TRAK1: variants seen among roughly 807,000 people sequenced by gnomAD.
The protein encoded by TRAK1 is trafficking kinesin-binding protein 1.
A neutral mutation model predicts 92.1 loss-of-function variants in TRAK1; 33 were observed. The observed-to-expected ratio is 0.36, with a 90% CI of 0.27 to 0.48. The LOEUF (loss-of-function observed/expected upper bound fraction) is 0.48. Ranked by LOEUF, TRAK1 falls within the 20% of genes least tolerant of loss-of-function variation. The pLI, the probability that TRAK1 is intolerant of heterozygous loss-of-function variation, is 0.99. For missense variants in TRAK1, 1,123 were observed against 1,257.9 expected, an observed-to-expected ratio of 0.89 and a Z score of 1.62; for synonymous variants, 521 against 517.3, an observed-to-expected ratio of 1.01 and a Z score of -0.10.
intron 2 of TRAK1, among the ~76,000 whole-genome samples, chr3:42,153,751 T>C (rs1369745358): frequency 6.6e-6 from 1 of 152,356 alleles, no homozygotes; most frequent in South Asian, 2.1e-4. Context: ...AGTGTTTTTT[T>C]TCTTTTTGTG....
At chr3:42,138,861 A>AAAG (rs967745098) in intron 2 of TRAK1, among the ~76,000 whole-genome samples, 9 of 145,280 alleles carry the variant, frequency 6.2e-5, no homozygotes, top group African/African-American at 2.3e-4. Context: ...TGGTGACCTA[A>AAAG]AAGAAAGCAT....
chr3:42,202,417 C>T lies in TRAK1; in HGVS notation c.1428-19C>T. ...GAGCCCTGCTGGCATTCCACCCTCACACCCCTTTCTTCTTCCAGAAACGAT... is the reference window on the plus strand; with the variant it reads ...GAGCCCTGCTGGCATTCCACCCTCATACCCCTTTCTTCTTCCAGAAACGAT... On this transcript the variant is annotated intron_variant, in intron 12 of 15. Coordinates refer to ENST00000327628, the MANE Select transcript of TRAK1 (RefSeq NM_001042646.3). The surrounding 1 kb of genome is among the most constrained non-coding windows in gnomAD (Gnocchi z 6.1). The T allele has an allele frequency of 6.8e-7, 1 of 1,471,118 alleles. No homozygotes were observed. 91.1% of individuals were successfully genotyped at this position (1,471,118 alleles called of 1,614,324 possible).
At chr3:42,186,339 T>C (rs73828587) in intron 4 of TRAK1, among the ~76,000 whole-genome samples, 9,117 of 152,256 alleles carry the variant, frequency 0.06, 281 homozygotes, top group Middle Eastern at 0.085. Context: ...CCCTTGTTCA[T>C]GTTCCTAAGA....
rs756910432 is a variant in TRAK1, at chr3:42,200,918, T to C, written c.1291T>C (p.Ser431Pro). The C allele has an allele frequency of 2.5e-5, 41 of 1,614,012 alleles. No homozygotes were observed. Among genetic ancestry groups the C allele is most frequent in the East Asian group, 1.3e-4 (6 of 44,898 alleles). Residue 431 changes from serine to proline, a missense_variant, in exon 12 of 16, where the codon TCC becomes CCC. Around this residue, in one of 3 missense-constraint regions of TRAK1, gnomAD observed 686 missense variants for 747.6 expected, o/e 0.92. Coordinates refer to ENST00000327628, the MANE Select transcript of TRAK1 (RefSeq NM_001042646.3). ...CATGAACATCCCCGGCTCCAACCAG[T>C]CCTCGGCCATGAACTCCCTCCTGTC... ...SPMNIPGSNQSSAMNSLLSSC... is the reference protein window; with the variant it reads ...SPMNIPGSNQPSAMNSLLSSC...
chr3:42,111,168 A>C (rs1364024097), intron 1 of TRAK1, among the ~76,000 whole-genome samples: 1 of 152,166 alleles, frequency 6.6e-6, no homozygotes, highest in Non-Finnish European at 1.5e-5. Context: ...AGGAGTTGTG[A>C]ACCCAGAAAA....
intron 2 of TRAK1, among the ~76,000 whole-genome samples, chr3:42,168,573 A>C (rs1702154494): frequency 6.6e-6 from 1 of 151,980 alleles, no homozygotes; most frequent in Admixed American, 6.5e-5. Flanking sequence ...GATCCTTGGC[A>C]ACCACTAATC....
chr3:42,220,434 G>T, intron 15 of TRAK1: 1 of 973,308 alleles, frequency 1.0e-6, no homozygotes, highest in East Asian at 1.1e-4. Flanking sequence ...TTGCTGGAAG[G>T]TAAAGCAGAA....
chr3:42,076,150 G>A (rs1473605655), intron 1 of TRAK1, among the ~76,000 whole-genome samples: 4 of 146,826 alleles, frequency 2.7e-5, no homozygotes, highest in African/African-American at 1.0e-4. Context: ...CCTCCTTTGC[G>A]CATTTTTAAA....
intron 2 of TRAK1, among the ~76,000 whole-genome samples, chr3:42,141,773 G>A (rs1365571710): frequency 6.6e-6 from 1 of 152,120 alleles, no homozygotes; most frequent in Non-Finnish European, 1.5e-5. Context: ...TCTCCTCTGA[G>A]GACACTTGTC....
chr3:42,156,395 T>G (rs1184985769), intron 2 of TRAK1, among the ~76,000 whole-genome samples: 1 of 152,108 alleles, frequency 6.6e-6, no homozygotes, highest in Non-Finnish European at 1.5e-5. Context: ...TGGGGTGACA[T>G]GAAGAGTCTA....
At chr3:42,126,312 G>A (rs1710551048) in intron 2 of TRAK1, among the ~76,000 whole-genome samples, 1 of 152,116 alleles carries the variant, frequency 6.6e-6, no homozygotes, top group Non-Finnish European at 1.5e-5. Flanking sequence ...AGCAAAATAT[G>A]TGTACCAAGG....
chr3:42,208,050 G>C (rs1244789769), intron 13 of TRAK1, among the ~76,000 whole-genome samples: 2 of 152,178 alleles, frequency 1.3e-5, no homozygotes, highest in Non-Finnish European at 2.9e-5. Flanking sequence ...CTGGGGGAGT[G>C]GGGTACGGGG....
intron 1 of TRAK1, among the ~76,000 whole-genome samples, chr3:42,114,380 C>G (rs1172659626): frequency 2.0e-5 from 3 of 152,178 alleles, no homozygotes; most frequent in Non-Finnish European, 2.9e-5. Context: ...TTGTGTTTGA[C>G]TTTTTGAGGA....
intron 1 of TRAK1, among the ~76,000 whole-genome samples, chr3:42,122,580 C>T (rs1029290316): frequency 1.3e-5 from 2 of 152,154 alleles, no homozygotes; most frequent in Admixed American, 6.5e-5. Flanking sequence ...ACCCCATGTT[C>T]CCTCAGTTAC....
chr3:42,014,730 C>G (rs575282877), intron 1 of TRAK1, among the ~76,000 whole-genome samples: 1 of 152,026 alleles, frequency 6.6e-6, no homozygotes, highest in Non-Finnish European at 1.5e-5. Flanking sequence ...TTTTAGAACC[C>G]GTGGCTGCAC....
chr3:42,038,161 C>T (rs2148898747), intron 1 of TRAK1, among the ~76,000 whole-genome samples: 1 of 152,268 alleles, frequency 6.6e-6, no homozygotes, highest in South Asian at 2.1e-4. Flanking sequence ...AATGCAGGAC[C>T]TCAAATGGAA....
intron 13 of TRAK1, among the ~76,000 whole-genome samples, chr3:42,207,713 G>A (rs1306407087): frequency 6.6e-6 from 1 of 152,292 alleles, no homozygotes; most frequent in East Asian, 1.9e-4. Context: ...GGGAGCCCAC[G>A]AACTGGTCTC....
At chr3:42,153,990 G>A (rs1264106998) in intron 2 of TRAK1, among the ~76,000 whole-genome samples, 1 of 152,066 alleles carries the variant, frequency 6.6e-6, no homozygotes, top group Non-Finnish European at 1.5e-5. Context: ...AGAATGAAAT[G>A]TAAACAGTTT....
intron 10 of TRAK1, among the ~76,000 whole-genome samples, chr3:42,197,374 ATACC>A (rs1194130872): frequency 6.6e-6 from 1 of 152,224 alleles, no homozygotes; most frequent in African/African-American, 2.4e-5. Context: ...ATTGCTGGTA[ATACC>A]TCATACAATG....
Sources: gnomAD v4.1 joint callset for allele counts (sites outside exome capture counted in the v4.1 genomes callset) on GRCh38, gnomAD v4.1.1 for gene constraint, gnomAD v4.1.1 regional missense constraint, Gnocchi (gnomAD v3.1) non-coding constraint, MANE v1.5 for transcripts, NCBI Gene and HGNC (gene_info 2026-07-23, HGNC 2026-07-21) for gene names.